Variants in SMG1 observed in about 807,000 individuals in gnomAD.
The protein encoded by SMG1 is SMG1 nonsense mediated mRNA decay associated PI3K related kinase.
In SMG1, 22 loss-of-function variants were observed where a neutral mutation model predicts 419.9. The ratio of observed to expected loss-of-function variants is 0.05; its 90% CI spans 0.04 to 0.07. SMG1 has a LOEUF of 0.07. Ranked by LOEUF, SMG1 falls within the 10% of genes least tolerant of loss-of-function variation. SMG1 has a pLI of 1.00. For missense variants in SMG1, 3,185 were observed against 4,342.0 expected (o/e 0.73, Z 7.49); for synonymous variants, 1,538 against 1,553.5 (o/e 0.99, Z 0.23).
chr16:18,851,987 TATCAAATATATATG>T, intron 33 of SMG1, 66 bp downstream of exon 33: 1 of 1,422,176 alleles, frequency 7.0e-7, no homozygotes, highest in Non-Finnish European at 9.4e-7. Flanking sequence ...TTCAGTATTT[TATCAAATATATATG>T]ATCAATTTTC....
At chr16:18,901,489 G>C (rs2037344570) in intron 1 of SMG1, among the ~76,000 whole-genome samples, 1 of 152,124 alleles carries the variant, frequency 6.6e-6, no homozygotes, top group Admixed American at 6.6e-5. Flanking sequence ...GCTAGGATTA[G>C]AAGCATGAGT....
In SMG1 at chr16:18,876,163, G is replaced by C. The variant is rs759289093; in HGVS notation, c.1851C>G (p.Ala617=). 1.2e-6 allele frequency: 2 copies of C among 1,611,724 alleles called. No individual in the cohort carries two copies. The highest frequency in any genetic ancestry group is 4.5e-5 in the East Asian group (2 of 44,862). ...AKFVVIFDLS[A]LTTIGNAKNS... is the part of the protein sequence containing the mutation. ...TTTTGGCATTTCCAATTGTAGTCAG[G>C]GCACTGAGGTCAAATATAACTACAA... is the stretch of plus-strand genomic sequence containing the variant. Residue 617 remains alanine, a synonymous_variant, in exon 13 of 63, where the codon GCC becomes GCG. Coordinates refer to ENST00000446231, the MANE Select transcript of SMG1 (RefSeq NM_015092.5).
chr16:18,812,615 C>CACACATATAT (rs2031546962), intron 60 of SMG1, among the ~76,000 whole-genome samples: 2 of 73,078 alleles, frequency 2.7e-5, no homozygotes, highest in Admixed American at 1.6e-4. Flanking sequence ...TATATACATA[C>CACACATATAT]ACACATATAT....
Position 18,816,490 on chromosome 16 carries a change from G to C in SMG1, c.10114C>G (p.Leu3372Val), listed in dbSNP as rs769277599. 2.5e-6 allele frequency: 4 copies of C among 1,613,922 alleles called. No homozygotes were observed. The Admixed American group carries it at 6.7e-5, about 27-fold the overall frequency. ...LEHPIGSSEW[L>V]LSAHKQLTQD... The stretch of plus-strand genomic sequence containing the variant: ...GTCAACTGTTTGTGTGCTGACAAAA[G>C]CCATTCAGAGCTGCCAATAGGATGT... Residue 3372 changes from leucine to valine, a missense_variant, in exon 58 of 63, where the codon CTT becomes GTT. Around this residue, in one of 27 missense-constraint regions of SMG1, gnomAD observed 737 missense variants for 846.6 expected, o/e 0.87. Coordinates refer to ENST00000446231, the MANE Select transcript of SMG1 (RefSeq NM_015092.5).
chr16:18,847,378 G>C (rs2034326971), intron 38 of SMG1, 75 bp downstream of exon 38: 9 of 1,513,686 alleles, frequency 5.9e-6, no homozygotes, highest in Non-Finnish European at 8.2e-6. Flanking sequence ...AATTAAAATA[G>C]TAAATTTTAT....
chr16:18,815,805 C>A, intron 58 of SMG1, 154 bp from the exon 59 acceptor site: 1 of 595,956 alleles, frequency 1.7e-6, no homozygotes, highest in Non-Finnish European at 2.8e-6. Flanking sequence ...TTTGTTTCCA[C>A]CATCAAATAA....
At chr16:18,827,906 T>A in intron 55 of SMG1, 125 bp downstream of exon 55, 1 of 728,882 alleles carries the variant, frequency 1.4e-6, no homozygotes, top group Non-Finnish European at 2.0e-6. Context: ...AAAAAAATTA[T>A]GCTCTTCTGG....
chr16:18,907,200 T>C lies in SMG1; in HGVS notation c.93-10244A>G, dbSNP rs563829979. Among the ~76,000 whole-genome samples, 1,407 of 151,794 alleles carry C rather than the reference T, an allele frequency of 9.3e-3. 23 individuals are homozygous for C. Among genetic ancestry groups the C allele is most frequent in the African/African-American group, 0.032 (1,337 of 41,388 alleles). ...AGGAGGCTGAGGCAGGAGAATCACT[T>C]GAACCCAGGAGGCGGAGGTTGCAGT... On this transcript the variant is annotated intron_variant, in intron 1 of 62. Transcript: ENST00000446231.
intron 51 of SMG1, among the ~76,000 whole-genome samples, chr16:18,832,093 G>T (rs11644096): frequency 0.31 from 46,954 of 152,046 alleles, 7,999 homozygotes; most frequent in Non-Finnish European, 0.39. Context: ...GGTGGTGGCA[G>T]GGGGTTCATT....
rs780891560 is a variant in SMG1 at position 18,847,580 on chromosome 16, T to G, written c.5869A>C (p.Arg1957=). Residue 1957 remains arginine, a synonymous_variant, in exon 38 of 63, where the codon AGG becomes CGG. Transcript: ENST00000446231. ...QVQMLVAELR[R]VTVLWDELWL... ...AGCTCATCCCAGAGCACAGTGACCC[T>G]GCGCAGTTCAGCCACGAGCATCTGA... 1.2e-6 allele frequency: 2 copies of G among 1,614,030 alleles called. No homozygotes were observed. The highest frequency in any genetic ancestry group is 2.2e-5 in the East Asian group (1 of 44,890).
intron 10 of SMG1, among the ~76,000 whole-genome samples, chr16:18,881,229 TCC>T (rs1380038074): frequency 6.6e-6 from 1 of 152,002 alleles, no homozygotes; most frequent in Non-Finnish European, 1.5e-5. Context: ...ATAAATTATG[TCC>T]CTTTTATTTT....
chr16:18,910,029 T>C (rs1354417205), intron 1 of SMG1, among the ~76,000 whole-genome samples: 1 of 152,102 alleles, frequency 6.6e-6, no homozygotes, highest in Non-Finnish European at 1.5e-5. Flanking sequence ...TTTCTAGATA[T>C]TAAGTTCCTT....
intron 60 of SMG1, among the ~76,000 whole-genome samples, chr16:18,812,571 TAC>T (rs769463132): frequency 7.4e-5 from 11 of 149,448 alleles, no homozygotes; most frequent in African/African-American, 1.5e-4. Flanking sequence ...TACATATATA[TAC>T]ACACACATAT....
intron 1 of SMG1, among the ~76,000 whole-genome samples, chr16:18,903,588 T>C (rs1404526560): frequency 6.6e-6 from 1 of 152,218 alleles, no homozygotes; most frequent in South Asian, 2.1e-4. Flanking sequence ...TAACAAGAGC[T>C]AGTGGGCAAC....
chr16:18,859,355 A>G, intron 27 of SMG1, 174 bp from the exon 28 acceptor site: 1 of 682,536 alleles, frequency 1.5e-6, no homozygotes, highest in South Asian at 2.0e-5. Context: ...GCTTTTGGGG[A>G]TTTTTACATT....
At chr16:18,894,135 G>C (rs550358493) in intron 3 of SMG1, among the ~76,000 whole-genome samples, 1 of 151,958 alleles carries the variant, frequency 6.6e-6, no homozygotes, top group Non-Finnish European at 1.5e-5. Flanking sequence ...TGGAGGGTAG[G>C]GGGTGGGAGA....
At chr16:18,855,180 G>A (rs1307417887) in intron 29 of SMG1, among the ~76,000 whole-genome samples, 2 of 152,148 alleles carry the variant, frequency 1.3e-5, no homozygotes, top group African/African-American at 4.8e-5. Context: ...TGGGCCAACG[G>A]GTAGGGAAAG....
At position 18,882,178 on chromosome 16, in the gene SMG1, G is replaced by A. The variant is rs760866791; in HGVS notation, c.1280C>T (p.Ala427Val). 2 of 1,578,554 alleles carry A rather than the reference G, an allele frequency of 1.3e-6. No homozygotes were observed. The highest frequency in any genetic ancestry group is 2.3e-5 in the South Asian group (2 of 85,112). The change falls in exon 10 of 63, where the codon GCA becomes GTA. Residue 427 changes from alanine to valine, a missense_variant. By Grantham distance (64) the Ala-to-Val change is moderately conservative. This residue lies in a region of SMG1 where 52 missense variants were observed against 69.0 expected (regional missense o/e 0.75). Transcript: ENST00000446231. Reference protein sequence around the residue: ...SPIRGPPITEAYVTDVLYRVM... With the variant: ...SPIRGPPITEVYVTDVLYRVM... ...AAAAGCACTTACATCTGTTACATAT[G>A]CCTCAGTAATTGGAGGACCCCGAAT...
intron 2 of SMG1, among the ~76,000 whole-genome samples, 192 bp from the exon 3 acceptor site, chr16:18,896,399 T>C (rs1186431252): frequency 6.6e-6 from 1 of 152,266 alleles, no homozygotes; most frequent in African/African-American, 2.4e-5. Flanking sequence ...AAATTAATTT[T>C]ATTTTGATCC....
Sources: allele counts gnomAD v4.1 joint callset (sites outside exome capture counted in the v4.1 genomes callset), GRCh38; gene constraint gnomAD v4.1.1; regional missense constraint gnomAD v4.1.1; transcripts MANE v1.5; gene names NCBI Gene and HGNC (gene_info 2026-07-23, HGNC 2026-07-21).